LRRTM4: variants seen among roughly 807,000 people sequenced by gnomAD.
LRRTM4 encodes the protein leucine-rich repeat transmembrane neuronal protein 4.
Under a neutral mutation model 47.6 loss-of-function variants are expected in LRRTM4, and 25 were observed. The ratio of observed to expected loss-of-function variants is 0.53; its 90% CI spans 0.38 to 0.73. The LOEUF is 0.73. LRRTM4 is among the 30% of genes least tolerant of loss of function. The probability of loss-of-function intolerance (pLI) is 0.00; values close to 1 mark genes in which losing one functional copy is unlikely to be tolerated. For missense variants in LRRTM4, 638 were observed against 713.4 expected (o/e 0.89, Z 1.20); for synonymous variants, 311 against 269.5 (o/e 1.15, Z -1.51).
chr2:76,816,819 GTTTTTTTTTTTTTTTTTTTTTTTTTTTTT>G (rs201525166), intron 3 of LRRTM4, among the ~76,000 whole-genome samples: 6 of 96,570 alleles, frequency 6.2e-5, no homozygotes, highest in South Asian at 3.0e-4. Context: ...GAGGTAAAGA[GTTTTTTTTTTTTTTTTTTTTTTTTTTTTT>G]TTTTTTTTTT....
At chr2:76,912,802 A>C (rs907846334) in intron 3 of LRRTM4, among the ~76,000 whole-genome samples, 3 of 151,424 alleles carry the variant, frequency 2.0e-5, no homozygotes, top group African/African-American at 4.9e-5. Context: ...AGGGTGTGGC[A>C]CCTCCCCCAC....
At chr2:77,114,634 A>G (rs1671338394) in intron 3 of LRRTM4, among the ~76,000 whole-genome samples, 1 of 152,088 alleles carries the variant, frequency 6.6e-6, no homozygotes, top group Non-Finnish European at 1.5e-5. Flanking sequence ...GGTTCTTTCT[A>G]TTTTCCCTAA....
intron 3 of LRRTM4, among the ~76,000 whole-genome samples, chr2:76,841,862 A>T (rs775837047): frequency 5.9e-5 from 9 of 152,188 alleles, no homozygotes; most frequent in Non-Finnish European, 1.0e-4. Flanking sequence ...TTACTTTCAC[A>T]TATCAAATCT....
chr2:76,861,377 G>T (rs1314816842), intron 3 of LRRTM4, among the ~76,000 whole-genome samples: 1 of 151,820 alleles, frequency 6.6e-6, no homozygotes, highest in East Asian at 1.9e-4. Flanking sequence ...CAATTGATTT[G>T]ATTTTTTTTC....
intron 3 of LRRTM4, among the ~76,000 whole-genome samples, chr2:77,096,527 CTA>C (rs750040608): frequency 2.6e-5 from 4 of 151,104 alleles, no homozygotes; most frequent in African/African-American, 4.8e-5. Flanking sequence ...AATAAAATGT[CTA>C]TATTAAAAGT....
chr2:77,435,283 A>T (rs967529901), intron 3 of LRRTM4, among the ~76,000 whole-genome samples: 28 of 152,158 alleles, frequency 1.8e-4, no homozygotes, highest in African/African-American at 6.3e-4. Context: ...TGATCTCATA[A>T]CTGATGTTGA....
chr2:77,326,404 T>C (rs566018100), intron 3 of LRRTM4, among the ~76,000 whole-genome samples: 119 of 152,318 alleles, frequency 7.8e-4, no homozygotes, highest in African/African-American at 2.5e-3. Flanking sequence ...ACTTTTATTT[T>C]AGTTTTAGAA....
At chr2:76,781,740 G>T (rs1295700250) in intron 3 of LRRTM4, among the ~76,000 whole-genome samples, 1 of 149,238 alleles carries the variant, frequency 6.7e-6, no homozygotes, top group Non-Finnish European at 1.5e-5. Flanking sequence ...GGGAGCTATA[G>T]ACCGGAGCTG....
intron 3 of LRRTM4, among the ~76,000 whole-genome samples, chr2:77,011,473 A>T (rs758961908): frequency 2.0e-5 from 3 of 150,998 alleles, no homozygotes; most frequent in Non-Finnish European, 2.9e-5. Context: ...CTGCATGCTT[A>T]TTGTTGAGCT....
chr2:77,036,636 A>G (rs891268931), intron 3 of LRRTM4, among the ~76,000 whole-genome samples: 2 of 151,676 alleles, frequency 1.3e-5, no homozygotes, highest in Non-Finnish European at 3.0e-5. Context: ...TCTGTGGAAT[A>G]TTGATGCTAT....
intron 3 of LRRTM4, among the ~76,000 whole-genome samples, chr2:77,022,647 C>T (rs1354605141): frequency 6.6e-6 from 1 of 152,172 alleles, no homozygotes; most frequent in Non-Finnish European, 1.5e-5. Context: ...AGTTTGAAAT[C>T]CAGCAGGGCA....
intron 3 of LRRTM4, among the ~76,000 whole-genome samples, chr2:77,487,949 C>G (rs1443786782): frequency 6.6e-6 from 1 of 152,144 alleles, no homozygotes; most frequent in East Asian, 1.9e-4. Context: ...CTCAATCACC[C>G]TCCAGTTGTC....
intron 3 of LRRTM4, among the ~76,000 whole-genome samples, chr2:76,870,471 A>T (rs1451418956): frequency 6.6e-6 from 1 of 152,118 alleles, no homozygotes; most frequent in Admixed American, 6.6e-5. Flanking sequence ...AGGAAAAAAA[A>T]CCACATTTTT....
intron 3 of LRRTM4, among the ~76,000 whole-genome samples, chr2:77,176,958 G>A (rs548900315): frequency 6.6e-6 from 1 of 152,212 alleles, no homozygotes; most frequent in East Asian, 1.9e-4. Flanking sequence ...ACTCCCACCA[G>A]TCCCACGGCA....
chr2:76,868,536 C>T (rs979290871), intron 3 of LRRTM4, among the ~76,000 whole-genome samples: 22 of 152,020 alleles, frequency 1.4e-4, no homozygotes, highest in Non-Finnish European at 2.2e-4. Flanking sequence ...AGCAATTTAA[C>T]GGGGCTATTT....
intron 3 of LRRTM4, among the ~76,000 whole-genome samples, chr2:77,075,898 G>A (rs13430289): frequency 1.0e-5 from 1 of 98,590 alleles, no homozygotes; most frequent in African/African-American, 4.2e-5. Flanking sequence ...CTGGGCGACA[G>A]AGCGAGACTC....
At chr2:77,081,633 A>G (rs1268120419) in intron 3 of LRRTM4, among the ~76,000 whole-genome samples, 1 of 152,156 alleles carries the variant, frequency 6.6e-6, no homozygotes. Flanking sequence ...TGGCAAGTAT[A>G]TTGTCAAGTT....
intron 3 of LRRTM4, among the ~76,000 whole-genome samples, chr2:77,256,217 G>A (rs113321739): frequency 1.3e-4 from 20 of 151,912 alleles, no homozygotes; most frequent in African/African-American, 4.4e-4. Flanking sequence ...ATCACTACTC[G>A]GCCAATTTGA....
intron 3 of LRRTM4, among the ~76,000 whole-genome samples, chr2:77,160,892 G>A (rs956476532): frequency 1.7e-4 from 26 of 152,112 alleles, no homozygotes; most frequent in South Asian, 8.3e-4. Flanking sequence ...CTTGCACATA[G>A]TCATTATATG....
Sources: gnomAD v4.1 joint callset for allele counts (sites outside exome capture counted in the v4.1 genomes callset) on GRCh38, gnomAD v4.1.1 for gene constraint, MANE v1.5 for transcripts, NCBI Gene and HGNC (gene_info 2026-07-23, HGNC 2026-07-21) for gene names.